TNFRSF10D: variants seen among roughly 807,000 people sequenced by gnomAD.
TNFRSF10D encodes the protein tumor necrosis factor receptor superfamily member 10D.
Under a neutral mutation model 42.1 loss-of-function variants are expected in TNFRSF10D, and 28 were observed. That is an observed-to-expected ratio of 0.66 (90% CI 0.49 to 0.91). TNFRSF10D has a LOEUF of 0.91. TNFRSF10D is among the 40% of genes least tolerant of loss of function. The pLI, the probability that TNFRSF10D is intolerant of heterozygous loss-of-function variation, is 0.00. For missense variants in TNFRSF10D, 503 were observed against 486.1 expected (o/e 1.03, Z -0.33); for synonymous variants, 186 against 189.4 (o/e 0.98, Z 0.15).
chr8:23,150,187 A>AG (rs1382780128), intron 2 of TNFRSF10D, among the ~76,000 whole-genome samples: 925 of 152,212 alleles, frequency 6.1e-3, no homozygotes, highest in African/African-American at 0.019. Context: ...GTCAGTCCCC[A>AG]TGAACTCAGG....
Position 23,146,957 on chromosome 8 carries a change from T to C in TNFRSF10D, c.482+4A>G. 1 of 1,613,320 alleles carries C rather than the reference T, an allele frequency of 6.2e-7. No individual in the cohort carries two copies. Among genetic ancestry groups the C allele is most frequent in the Non-Finnish European group, 8.5e-7 (1 of 1,179,252 alleles). On this transcript the variant is annotated splice_donor_region_variant and intron_variant, in intron 4 of 8. Transcript: ENST00000312584. Reference sequence around the variant, plus strand: ...CTGTTGGGAGCCCCTGGCTGCTGTCTTACCCTGTTCTACACGTCCGGCACA... The same window carrying C: ...CTGTTGGGAGCCCCTGGCTGCTGTCCTACCCTGTTCTACACGTCCGGCACA...
chr8:23,140,077 C>T (rs370049469), intron 7 of TNFRSF10D, among the ~76,000 whole-genome samples: 1 of 152,184 alleles, frequency 6.6e-6, no homozygotes, highest in African/African-American at 2.4e-5. Flanking sequence ...ATCACAAGGT[C>T]AGGAGATCGA....
Position 23,163,089 on chromosome 8 carries a change from C to CTCTT in TNFRSF10D, c.150+696_150+697insAAGA, listed in dbSNP as rs766517435. Reference sequence around the variant, plus strand: ...GGCGCAGGCTGCCACGCCTGGCTAACTTTTTTTTTTTTTTTTTTTTTTTTT... The same window carrying CTCTT: ...GGCGCAGGCTGCCACGCCTGGCTAACTCTTTTTTTTTTTTTTTTTTTTTTTTTTT... On this transcript the variant is annotated intron_variant, in intron 1 of 8. Transcript: ENST00000312584. Among the ~76,000 whole-genome samples the CTCTT allele has an allele frequency of 9.6e-3, 550 of 57,214 alleles. 66 individuals are homozygous for CTCTT. Among genetic ancestry groups the CTCTT allele is most frequent in the East Asian group, 0.053 (124 of 2,326 alleles). 37.5% of individuals were successfully genotyped at this position (57,214 alleles called of 152,430 possible).
intron 1 of TNFRSF10D, among the ~76,000 whole-genome samples, chr8:23,155,837 C>CTG: frequency 6.6e-6 from 1 of 151,292 alleles, no homozygotes; most frequent in Non-Finnish European, 1.5e-5. Context: ...CTCTCTCTCT[C>CTG]GCACACACAC....
At chr8:23,156,453 C>T (rs1348589316) in intron 1 of TNFRSF10D, among the ~76,000 whole-genome samples, 640 of 151,770 alleles carry the variant, frequency 4.2e-3, no homozygotes, top group African/African-American at 0.013. Context: ...CCCAAATCCT[C>T]CCTTCTAGAG....
At chr8:23,155,953 G>A (rs1056159218) in intron 1 of TNFRSF10D, among the ~76,000 whole-genome samples, 8 of 152,020 alleles carry the variant, frequency 5.3e-5, no homozygotes, top group African/African-American at 1.9e-4. Context: ...GCTTCACAAA[G>A]GACCTTGACA....
At chr8:23,148,037 C>G (rs1362941270) in intron 3 of TNFRSF10D, among the ~76,000 whole-genome samples, 1 of 143,104 alleles carries the variant, frequency 7.0e-6, no homozygotes, top group Non-Finnish European at 1.5e-5. Context: ...TGCACTCCAG[C>G]CTGGACAACA....
chr8:23,161,961 A>T (rs1800373380), intron 1 of TNFRSF10D, among the ~76,000 whole-genome samples: 1 of 152,232 alleles, frequency 6.6e-6, no homozygotes, highest in East Asian at 1.9e-4. Context: ...TATTTAGTAC[A>T]ATGCTGTTGG....
chr8:23,148,939 C>T (rs1200621813), intron 2 of TNFRSF10D, among the ~76,000 whole-genome samples: 1 of 150,882 alleles, frequency 6.6e-6, no homozygotes, highest in African/African-American at 2.4e-5. Context: ...GCCTGTAATC[C>T]CAGTACTTAG....
At position 23,163,899 on chromosome 8, in the gene TNFRSF10D, T is replaced by C; in HGVS notation, c.37A>G (p.Ser13Gly). ...CCTGGATAGCGCCCTGCTCGAGCGC[T>C]CGAGGCGGTCGGGACGCTTTGTCCC... ...LWGQSVPTAS[S>G]ARAGRYPGAR... Residue 13 changes from serine to glycine, a missense_variant, in exon 1 of 9, where the codon AGC becomes GGC. Ser to Gly is a moderately conservative substitution (Grantham distance 56). Transcript: ENST00000312584. The C allele has an allele frequency of 6.3e-7, 1 of 1,590,176 alleles. No homozygotes were observed.
Position 23,163,861 on chromosome 8 carries a change from C to A in TNFRSF10D, c.75G>T (p.Ala25=). 6.2e-7 allele frequency: 1 copy of A among 1,606,090 alleles called. No individual in the cohort carries two copies. The highest frequency in any genetic ancestry group is 8.5e-7 in the Non-Finnish European group (1 of 1,177,426). Residue 25 remains alanine, a synonymous_variant, in exon 1 of 9, where the codon GCG becomes GCT. Transcript: ENST00000312584. ...RAGRYPGART[A]SGTRPWLLDP... ...CCAGGAGCCATGGTCTGGTTCCCGA[C>A]GCTGTCCTGGCTCCTGGATAGCGCC... is the stretch of plus-strand genomic sequence containing the variant.
rs190396167 is a variant in TNFRSF10D, at chr8:23,139,617, G to A, written c.955-1357C>T. 3.9e-4 allele frequency among the ~76,000 whole-genome samples: 60 copies of A among 152,198 alleles called. No homozygotes were observed. In the East Asian group the frequency reaches 0.011, roughly 28 times the overall value. ...CTGGAAGCATTCCCCTTGAGAACTGGAACAAGGCAAGGATGCTCACGCTCA... is the reference window on the plus strand; with the variant it reads ...CTGGAAGCATTCCCCTTGAGAACTGAAACAAGGCAAGGATGCTCACGCTCA... On this transcript the variant is annotated intron_variant, in intron 7 of 8. Coordinates refer to ENST00000312584, the MANE Select transcript of TNFRSF10D (RefSeq NM_003840.5).
chr8:23,148,380 G>T, intron 3 of TNFRSF10D, 58 bp downstream of exon 3: 1 of 1,394,040 alleles, frequency 7.2e-7, no homozygotes, highest in Non-Finnish European at 1.0e-6. Context: ...ATCGGCTACA[G>T]CTCCCACCTC....
At chr8:23,150,249 C>A (rs1263321123) in intron 2 of TNFRSF10D, among the ~76,000 whole-genome samples, 1 of 152,206 alleles carries the variant, frequency 6.6e-6, no homozygotes, top group African/African-American at 2.4e-5. Context: ...CAGCACCTGG[C>A]TGACATCTGC....
At position 23,145,673 on chromosome 8, in the gene TNFRSF10D, C is replaced by A. The variant is rs539617136; in HGVS notation, c.731G>T (p.Cys244Phe). Reference sequence around the variant, plus strand: ...CACCCTCAGCCAGCACCTACCTGAGCAGATGCCTTTGAGGTAAGAAATGAA... The same window carrying A: ...CACCCTCAGCCAGCACCTACCTGAGAAGATGCCTTTGAGGTAAGAAATGAA... The part of the protein sequence containing the change: ...KKFISYLKGI[C>F]SGGGGGPERV... Residue 244 changes from cysteine (C) to phenylalanine (F), a missense_variant, in exon 5 of 9, where the codon TGC becomes TTC. Cys to Phe is a radical substitution (Grantham distance 205). Transcript: ENST00000312584. The A allele has an allele frequency of 6.2e-7, 1 of 1,614,048 alleles. No homozygotes were observed. The highest frequency in any genetic ancestry group is 1.1e-5 in the South Asian group (1 of 91,086).
intron 1 of TNFRSF10D, among the ~76,000 whole-genome samples, chr8:23,161,521 G>A (rs1800367310): frequency 6.6e-6 from 1 of 152,166 alleles, no homozygotes; most frequent in South Asian, 2.1e-4. Context: ...CAGGTGGCAG[G>A]GACTGGCCCC....
chr8:23,149,189 C>CAAAAAA (rs370400558), intron 2 of TNFRSF10D, among the ~76,000 whole-genome samples: 26 of 85,134 alleles, frequency 3.1e-4, no homozygotes, highest in South Asian at 4.2e-4. Context: ...GACTCTGTCT[C>CAAAAAA]AAAAAAAAAA....
At chr8:23,149,394 C>T (rs146763699) in intron 2 of TNFRSF10D, among the ~76,000 whole-genome samples, 28 of 151,380 alleles carry the variant, frequency 1.8e-4, no homozygotes, top group African/African-American at 5.3e-4. Context: ...CCCACCACCA[C>T]GCCCAGCTAA....
At chr8:23,157,166 G>C (rs1467999899) in intron 1 of TNFRSF10D, among the ~76,000 whole-genome samples, 3 of 152,010 alleles carry the variant, frequency 2.0e-5, no homozygotes, top group South Asian at 4.2e-4. Context: ...ACTCCAGAAA[G>C]GAACTGCATA....
Sources: allele counts gnomAD v4.1 joint callset (sites outside exome capture counted in the v4.1 genomes callset), GRCh38; gene constraint gnomAD v4.1.1; transcripts MANE v1.5; gene names NCBI Gene and HGNC (gene_info 2026-07-23, HGNC 2026-07-21).